Variants in PRKD1 observed in about 807,000 individuals in gnomAD.
PRKD1 encodes protein kinase D1, also known as serine/threonine-protein kinase D1.
A neutral mutation model predicts 95.9 loss-of-function variants in PRKD1; 63 were observed. That is an observed-to-expected ratio of 0.66 (90% CI 0.54 to 0.81). The LOEUF (loss-of-function observed/expected upper bound fraction) is 0.81, where lower values mean the gene tolerates loss of function less well. Ranked by LOEUF, PRKD1 falls within the 30% of genes least tolerant of loss-of-function variation. The pLI, the probability that PRKD1 is intolerant of heterozygous loss-of-function variation, is 0.00. For missense variants in PRKD1, 1,048 were observed against 1,165.3 expected (o/e 0.90, Z 1.47); for synonymous variants, 425 against 423.1 (o/e 1.00, Z -0.05).
At chr14:29,598,572 C>A (rs1475841767) in intron 15 of PRKD1, among the ~76,000 whole-genome samples, 1 of 152,092 alleles carries the variant, frequency 6.6e-6, no homozygotes, top group Admixed American at 6.6e-5. Context: ...TAGGCAGGAC[C>A]GGAAGGTGTT....
intron 2 of PRKD1, among the ~76,000 whole-genome samples, chr14:29,680,801 A>G (rs1008082575): frequency 6.6e-6 from 1 of 152,214 alleles, no homozygotes; most frequent in South Asian, 2.1e-4. Context: ...GAGTCTTTTG[A>G]GATGTAAAAA....
intron 1 of PRKD1, among the ~76,000 whole-genome samples, chr14:29,744,328 T>C (rs1887115414): frequency 6.6e-6 from 1 of 152,200 alleles, no homozygotes; most frequent in Non-Finnish European, 1.5e-5. Context: ...CTTTGAATTT[T>C]CTTTTTCTCT....
chr14:29,674,162 G>T (rs951540545), intron 2 of PRKD1, among the ~76,000 whole-genome samples: 2 of 152,076 alleles, frequency 1.3e-5, no homozygotes, highest in African/African-American at 4.8e-5. Flanking sequence ...AATAATTATT[G>T]TCACAACCAT....
In PRKD1 at chr14:29,927,467, C is replaced by T; in HGVS notation, c.46G>A (p.Val16Met). The change falls in exon 1 of 18, where the codon GTG becomes ATG. Residue 16 changes from valine (V) to methionine (M), a missense_variant. Physicochemically the swap from Val to Met is conservative, Grantham distance 21. Coordinates refer to ENST00000331968, the MANE Select transcript of PRKD1 (RefSeq NM_002742.3). ...VLRPPSPLLPVAAAAAAAAAA... is the reference protein window; with the variant it reads ...VLRPPSPLLPMAAAAAAAAAA... ...GCCGCTGCGGCAGCTGCCGCCGCCA[C>T]GGGCAGCAGCGGACTGGGCGGCCGC... 3.9e-6 allele frequency: 5 copies of T among 1,279,450 alleles called. No individual in the cohort carries two copies. The highest frequency in any genetic ancestry group is 2.9e-6 in the Non-Finnish European group (3 of 1,018,314). 79.3% of individuals were successfully genotyped at this position (1,279,450 alleles called of 1,614,324 possible). A position where few individuals can be genotyped will look rare whatever the true frequency, so the allele number is the denominator to read the frequency against.
rs191417243 is a variant in PRKD1, at chr14:29,642,122, C to T, written c.697-3218G>A. On this transcript the variant is annotated intron_variant, in intron 4 of 17. Transcript: ENST00000331968. ...TTCTCCATGTTCGTCAGGCTGGTCT[C>T]GAACTCCTGACCTCAGGTGATCCAC... 3.6e-3 allele frequency among the ~76,000 whole-genome samples: 553 copies of T among 151,980 alleles called. 19 individuals are homozygous for T. The highest frequency in any genetic ancestry group is 0.033 in the Admixed American group (500 of 15,268).
At chr14:29,898,593 T>TAAAAC (rs141115238) in intron 1 of PRKD1, among the ~76,000 whole-genome samples, 9,871 of 152,230 alleles carry the variant, frequency 0.065, 389 homozygotes, top group South Asian at 0.11. Context: ...CTTCTCAACT[T>TAAAAC]AAAGCAAATC....
chr14:29,742,846 A>G (rs557299541), intron 1 of PRKD1, among the ~76,000 whole-genome samples: 15 of 152,342 alleles, frequency 9.8e-5, no homozygotes, highest in African/African-American at 3.6e-4. Context: ...ACCTTGTCAC[A>G]TAAGTTATTC....
chr14:29,658,993 T>A (rs45507892), intron 4 of PRKD1, among the ~76,000 whole-genome samples: 1 of 152,206 alleles, frequency 6.6e-6, no homozygotes, highest in African/African-American at 2.4e-5. Flanking sequence ...ATTGCTATTA[T>A]CATTTTAAAA....
rs561667572 is a variant in PRKD1 at position 29,886,629 on chromosome 14, A to G, written c.264+40620T>C. Among the ~76,000 whole-genome samples the G allele has an allele frequency of 4.6e-5, 7 of 152,332 alleles. No homozygotes were observed. The South Asian group carries it at 1.4e-3, about 32-fold the overall frequency. On this transcript the variant is annotated intron_variant, in intron 1 of 17. Coordinates refer to ENST00000331968, the MANE Select transcript of PRKD1 (RefSeq NM_002742.3). ...GTGTACTCAGCCATGCAATGAAAAA[A>G]CTTATTCTATCACCATCTGCTGATA...
intron 2 of PRKD1, among the ~76,000 whole-genome samples, chr14:29,697,256 T>C (rs1884576282): frequency 6.6e-6 from 1 of 152,070 alleles, no homozygotes; most frequent in Non-Finnish European, 1.5e-5. Flanking sequence ...GTAATTTAAA[T>C]TCATGGTGTC....
chr14:29,836,021 G>A (rs1420475649), intron 1 of PRKD1, among the ~76,000 whole-genome samples: 1 of 152,224 alleles, frequency 6.6e-6, no homozygotes, highest in African/African-American at 2.4e-5. Context: ...TATGAGCTAA[G>A]TATCATGGGA....
intron 1 of PRKD1, among the ~76,000 whole-genome samples, chr14:29,870,753 A>C (rs1893075046): frequency 6.6e-6 from 1 of 152,238 alleles, no homozygotes; most frequent in Non-Finnish European, 1.5e-5. Flanking sequence ...ATGGTTATAA[A>C]TGAATTATAT....
At chr14:29,867,233 G>A (rs1892941164) in intron 1 of PRKD1, among the ~76,000 whole-genome samples, 1 of 152,000 alleles carries the variant, frequency 6.6e-6, no homozygotes, top group South Asian at 2.1e-4. Flanking sequence ...GTTTAGAACT[G>A]TTAATGTACT....
intron 1 of PRKD1, among the ~76,000 whole-genome samples, chr14:29,853,817 T>G (rs1390535006): frequency 1.3e-5 from 2 of 152,202 alleles, no homozygotes; most frequent in African/African-American, 2.4e-5. Flanking sequence ...TTTCCCATGC[T>G]GTTCTCATAA....
chr14:29,915,281 G>A (rs528840850), intron 1 of PRKD1, among the ~76,000 whole-genome samples: 15 of 152,288 alleles, frequency 9.8e-5, no homozygotes, highest in African/African-American at 3.4e-4. Flanking sequence ...AGTGGCATCT[G>A]AAAATGTCCA....
intron 1 of PRKD1, among the ~76,000 whole-genome samples, chr14:29,758,025 A>G (rs531923438): frequency 6.6e-6 from 1 of 152,262 alleles, no homozygotes; most frequent in Admixed American, 6.5e-5. Flanking sequence ...AACGGTTCTA[A>G]GGACCTATGA....
At chr14:29,682,653 T>A (rs1395751847) in intron 2 of PRKD1, among the ~76,000 whole-genome samples, 2 of 152,098 alleles carry the variant, frequency 1.3e-5, no homozygotes, top group Non-Finnish European at 2.9e-5. Flanking sequence ...AGAAATAAAA[T>A]ACCGTTCAAG....
At chr14:29,648,032 C>G (rs1223420825) in intron 4 of PRKD1, among the ~76,000 whole-genome samples, 2 of 152,190 alleles carry the variant, frequency 1.3e-5, no homozygotes, top group Non-Finnish European at 2.9e-5. Context: ...GACCCTGCAG[C>G]TGCACAGCAA....
At chr14:29,741,959 A>C (rs750786674) in intron 1 of PRKD1, among the ~76,000 whole-genome samples, 1 of 152,098 alleles carries the variant, frequency 6.6e-6, no homozygotes, top group African/African-American at 2.4e-5. Flanking sequence ...GGATGCTGGC[A>C]TGGATTCAGT....
Sources: allele counts gnomAD v4.1 joint callset (sites outside exome capture counted in the v4.1 genomes callset), GRCh38; gene constraint gnomAD v4.1.1; transcripts MANE v1.5; gene names NCBI Gene and HGNC (gene_info 2026-07-23, HGNC 2026-07-21).